The following PTBP1 variants were observed in gnomAD, a reference collection of about 807,000 sequenced individuals.
The protein encoded by PTBP1 is polypyrimidine tract binding protein 1, also known as polypyrimidine tract-binding protein 1.
In PTBP1, 8 loss-of-function variants were observed where a neutral mutation model predicts 59.8. That is an observed-to-expected ratio of 0.13 (90% CI 0.08 to 0.24). The LOEUF (loss-of-function observed/expected upper bound fraction) is 0.24. Ranked by LOEUF, PTBP1 falls within the 10% of genes least tolerant of loss-of-function variation. PTBP1 has a pLI of 1.00. For missense variants in PTBP1, 686 were observed against 767.0 expected (o/e 0.89, Z 1.25); for synonymous variants, 490 against 320.7 (o/e 1.53, Z -5.64).
intron 1 of PTBP1, chr19:798,446 C>G (rs1053066356): frequency 6.6e-6 from 1 of 152,312 alleles, no homozygotes; most frequent in Non-Finnish European, 1.5e-5. Flanking sequence ...TGGGTTCAGT[C>G]ACTTTTAAAA....
chr19:797,912 T>G (rs994204328), intron 1 of PTBP1, among the ~76,000 whole-genome samples: 1 of 148,120 alleles, frequency 6.8e-6, no homozygotes, highest in African/African-American at 2.4e-5. Flanking sequence ...GCGTAGCCCG[T>G]CGCGCGTCCC....
chr19:811,969 G>A lies in PTBP1; in HGVS notation c.*1143G>A, dbSNP rs2034901199. Reference sequence around the variant, plus strand: ...CTACCGCCCCCGCGTCCTGTCCCGGGGGCTCTCCTAGGATCCCCTTTCCGT... The same window carrying A: ...CTACCGCCCCCGCGTCCTGTCCCGGAGGCTCTCCTAGGATCCCCTTTCCGT... On this transcript the variant is annotated 3_prime_UTR_variant, in exon 15 of 15. Transcript: ENST00000356948. 1 of 152,248 alleles carries A rather than the reference G, an allele frequency of 6.6e-6. No homozygotes were observed. The highest frequency in any genetic ancestry group is 2.1e-4 in the South Asian group (1 of 4,830). The allele number at this position is 152,248 out of a possible 1,614,324, so 9.4% of individuals were successfully genotyped here.
intron 9 of PTBP1, chr19:806,080 G>A (rs2034553427): frequency 3.4e-6 from 1 of 291,666 alleles, no homozygotes; most frequent in Non-Finnish European, 6.3e-6. Flanking sequence ...GCGCATGCGC[G>A]GTGGTCCCGG....
Position 808,488 on chromosome 19 carries a change from A to G in PTBP1, c.1246+36A>G, listed in dbSNP as rs991264338. ...GGGGCGGCCCCGGGGTGGAGGGGGC[A>G]GGGGCGGGGGCTGCGTTCCCTCTCG... On this transcript the variant is annotated intron_variant, in intron 12 of 14. Transcript: ENST00000356948. The surrounding 1 kb of genome is among the most constrained non-coding windows in gnomAD (Gnocchi z 4.7). 4.0e-6 allele frequency: 6 copies of G among 1,501,430 alleles called. No individual in the cohort carries two copies. The Admixed American group carries it at 7.6e-5, about 19-fold the overall frequency. The allele number at this position is 1,501,430 out of a possible 1,614,324, so 93.0% of individuals were successfully genotyped here.
In PTBP1 at chr19:804,442, C is replaced by T. The variant is rs183903070; in HGVS notation, c.435+4C>T. 3.7e-4 allele frequency: 599 copies of T among 1,609,210 alleles called. 7 individuals carry two copies. In the South Asian group the frequency reaches 4.6e-3, roughly 12 times the overall value. On this transcript the variant is annotated splice_donor_region_variant and intron_variant, in intron 5 of 14. Transcript: ENST00000356948. The stretch of plus-strand genomic sequence containing the variant: ...CGACAGCTCTCCCAACCAGGCGGTG[C>T]GTGGCCCCGCGGCGGACCCCAGCAG...
At position 806,396 on chromosome 19, in the gene PTBP1, C is replaced by T. The variant is rs780182098; in HGVS notation, c.971-12C>T. On this transcript the variant is annotated splice_polypyrimidine_tract_variant and intron_variant, in intron 9 of 14. Transcript: ENST00000356948. The stretch of plus-strand genomic sequence containing the variant: ...GGGGCGCCGCCGCTCATCTCACCTC[C>T]TGCTTTTCCAGGCCTTTCCGTTCCG... 1.3e-5 allele frequency: 21 copies of T among 1,597,192 alleles called. No homozygotes were observed. Among genetic ancestry groups the T allele is most frequent in the Middle Eastern group, 1.7e-4 (1 of 6,024 alleles).
At chr19:807,409 T>C in intron 10 of PTBP1, 1 of 159,554 alleles carries the variant, frequency 6.3e-6, no homozygotes, top group Non-Finnish European at 1.4e-5. Flanking sequence ...TCTGCCGGCA[T>C]GTGAGTGAAG....
chr19:810,956 C>G lies in PTBP1; in HGVS notation c.*130C>G, dbSNP rs965737194. 1 of 1,026,214 alleles carries G rather than the reference C, an allele frequency of 9.7e-7. No individual in the cohort carries two copies. The highest frequency in any genetic ancestry group is 1.7e-5 in the African/African-American group (1 of 59,132). 63.6% of individuals were successfully genotyped at this position (1,026,214 alleles called of 1,614,324 possible). ...ATTTTTTTAAAGAGAAATCAGTTTA[C>G]CTGTTTTTAAAAAAATTAAATCTAG... On this transcript the variant is annotated 3_prime_UTR_variant, in exon 15 of 15. Transcript: ENST00000356948.
chr19:806,781 C>T (rs574100939), intron 10 of PTBP1: 4 of 467,712 alleles, frequency 8.6e-6, no homozygotes, highest in African/African-American at 8.2e-5. Flanking sequence ...GCATGATACG[C>T]AGAATGAATT....
chr19:810,033 A>G (rs148859882), intron 13 of PTBP1, among the ~76,000 whole-genome samples: 6 of 152,362 alleles, frequency 3.9e-5, no homozygotes, highest in African/African-American at 1.4e-4. Flanking sequence ...GGGGCCTGGC[A>G]GAGTGGCTCA....
At position 808,528 on chromosome 19, in the gene PTBP1, C is replaced by G. The variant is rs373515454; in HGVS notation, c.1247-18C>G. Reference sequence around the variant, plus strand: ...GTTCCCTCTCGGGCGCCTGGTCACGCGGGTGCTGCTCCCCCAGCCATGAGC... The same window carrying G: ...GTTCCCTCTCGGGCGCCTGGTCACGGGGGTGCTGCTCCCCCAGCCATGAGC... On this transcript the variant is annotated intron_variant, in intron 12 of 14. Coordinates refer to ENST00000356948, the MANE Select transcript of PTBP1 (RefSeq NM_002819.5). This position sits in a 1 kb window ranked among gnomAD's most constrained non-coding sequence, Gnocchi z 4.7. The G allele has an allele frequency of 5.7e-6, 9 of 1,570,250 alleles. No individual in the cohort carries two copies. In the East Asian group the frequency reaches 1.9e-4, roughly 33 times the overall value.
chr19:808,343 T>C lies in PTBP1; in HGVS notation c.1154-17T>C. On this transcript the variant is annotated splice_polypyrimidine_tract_variant and intron_variant, in intron 11 of 14. Coordinates refer to ENST00000356948, the MANE Select transcript of PTBP1 (RefSeq NM_002819.5). This position sits in a 1 kb window ranked among gnomAD's most constrained non-coding sequence, Gnocchi z 4.7. ...CAGGCAGCAGGAGACTCAGGCCCCA[T>C]CCCTGGGCTTTTGAAGGCGTCTACG... 2 of 1,579,702 alleles carry C rather than the reference T, an allele frequency of 1.3e-6. No homozygotes were observed. Among genetic ancestry groups the C allele is most frequent in the Non-Finnish European group, 1.7e-6 (2 of 1,163,170 alleles).
chr19:802,656 C>G (rs1463026063), intron 2 of PTBP1, among the ~76,000 whole-genome samples: 1 of 152,174 alleles, frequency 6.6e-6, no homozygotes, highest in African/African-American at 2.4e-5. Flanking sequence ...AGACCAAGCG[C>G]CTGTGCTCCA....
Position 806,107 on chromosome 19 carries a change from C to T in PTBP1, c.971-301C>T, listed in dbSNP as rs79381913. On this transcript the variant is annotated intron_variant, in intron 9 of 14. Coordinates refer to ENST00000356948, the MANE Select transcript of PTBP1 (RefSeq NM_002819.5). ...TGGTCCCGGGACGGGCCCTGCTTGC[C>T]GAGGGCCCCGTGTCTGTGCTGGCGG... is the stretch of plus-strand genomic sequence containing the variant. 438 of 330,504 alleles carry T rather than the reference C, an allele frequency of 1.3e-3. 3 individuals carry two copies. The highest frequency in any genetic ancestry group is 2.0e-3 in the Non-Finnish European group (370 of 181,960). The allele number at this position is 330,504 out of a possible 1,614,324, so 20.5% of individuals were successfully genotyped here.
chr19:798,111 G>T (rs969453622), intron 1 of PTBP1, among the ~76,000 whole-genome samples: 1 of 151,922 alleles, frequency 6.6e-6, no homozygotes, highest in African/African-American at 2.4e-5. Flanking sequence ...TGCCCCCCGT[G>T]CGCCCCGGGC....
chr19:806,649 C>G (rs1171720032), intron 10 of PTBP1, 93 bp downstream of exon 10: 8 of 1,262,600 alleles, frequency 6.3e-6, no homozygotes, highest in Non-Finnish European at 7.4e-6. Context: ...AGCGCCGCCC[C>G]TCGCTGTGTC....
In PTBP1 at chr19:801,530, A is replaced by G. The variant is rs569479737; in HGVS notation, c.40-2031A>G. 9.8e-5 allele frequency among the ~76,000 whole-genome samples: 15 copies of G among 152,346 alleles called. No homozygotes were observed. The East Asian group carries it at 1.7e-3, about 18-fold the overall frequency. On this transcript the variant is annotated intron_variant, in intron 2 of 14. Coordinates refer to ENST00000356948, the MANE Select transcript of PTBP1 (RefSeq NM_002819.5). ...ACTCCAGTCAAAGACAGGGTCCAAG[A>G]TGCCCTTTTTAAGGTTTGTGCAGCC...
intron 9 of PTBP1, 93 bp from the exon 10 acceptor site, chr19:806,315 C>G: frequency 7.3e-7 from 1 of 1,374,302 alleles, no homozygotes; most frequent in Non-Finnish European, 9.6e-7. Context: ...CGCGGCTCGG[C>G]TCCTCGGTGC....
intron 1 of PTBP1, 54 bp from the exon 2 acceptor site, chr19:799,359 C>T (rs781605811): frequency 3.0e-5 from 47 of 1,568,392 alleles, no homozygotes; most frequent in Non-Finnish European, 4.0e-5. Context: ...GCTGGGTGCT[C>T]CTGCTGCTGA....
Sources: allele counts gnomAD v4.1 joint callset (sites outside exome capture counted in the v4.1 genomes callset), GRCh38; gene constraint gnomAD v4.1.1; non-coding constraint Gnocchi (gnomAD v3.1); transcripts MANE v1.5; gene names NCBI Gene and HGNC (gene_info 2026-07-23, HGNC 2026-07-21).